NXPH1: variants seen among roughly 807,000 people sequenced by gnomAD.
NXPH1 encodes the protein neurexophilin 1.
In NXPH1, 5 loss-of-function variants were observed where a neutral mutation model predicts 23.7. The ratio of observed to expected loss-of-function variants is 0.21; its 90% confidence interval spans 0.11 to 0.44. The LOEUF is 0.44. Among genes scored for constraint, NXPH1 ranks in the 20% least tolerant of loss-of-function variants. NXPH1 has a pLI of 0.99. For synonymous variants in NXPH1, 144 were observed against 122.2 expected (o/e 1.18, Z -1.18); for missense variants, 324 against 321.6 (o/e 1.01, Z -0.06).
chr7:8,537,466 C>T (rs1238574646), intron 2 of NXPH1, among the ~76,000 whole-genome samples: 1 of 151,882 alleles, frequency 6.6e-6, no homozygotes, highest in Non-Finnish European at 1.5e-5. Context: ...AGGAGAAGTG[C>T]TGAGCAAAGG....
At chr7:8,504,190 C>T (rs79025701) in intron 2 of NXPH1, among the ~76,000 whole-genome samples, 3,052 of 152,066 alleles carry the variant, frequency 0.02, 95 homozygotes, top group African/African-American at 0.069. Context: ...TCTTTTGAAG[C>T]TCTAGAATGC....
At chr7:8,483,583 ACAGGCGTGCAC>A (rs1817109816) in intron 2 of NXPH1, among the ~76,000 whole-genome samples, 1 of 152,144 alleles carries the variant, frequency 6.6e-6, no homozygotes, top group East Asian at 1.9e-4. Context: ...GGCTGGGATT[ACAGGCGTGCAC>A]CACCACACCT....
intron 2 of NXPH1, among the ~76,000 whole-genome samples, chr7:8,664,282 A>G (rs1486817759): frequency 6.6e-6 from 1 of 152,028 alleles, no homozygotes; most frequent in African/African-American, 2.4e-5. Context: ...TGTGCTTCCT[A>G]GAACATGTGC....
rs1028307237 is a variant in NXPH1, at chr7:8,731,885, G to A, written c.55-19123G>A. 9.2e-5 allele frequency among the ~76,000 whole-genome samples: 14 copies of A among 152,306 alleles called. 1 individual carries two copies. Among genetic ancestry groups the A allele is most frequent in the East Asian group, 1.9e-4 (1 of 5,182 alleles). The stretch of plus-strand genomic sequence containing the variant: ...GGGCTCCACCCAGTTCGAGCTTCCC[G>A]GCTGCTTTGTTTACCTAAGCAAGCC... On this transcript the variant is annotated intron_variant, in intron 2 of 2. Transcript: ENST00000405863.
intron 2 of NXPH1, among the ~76,000 whole-genome samples, chr7:8,557,583 A>G (rs1219853827): frequency 6.6e-6 from 1 of 151,714 alleles, no homozygotes; most frequent in Non-Finnish European, 1.5e-5. Flanking sequence ...TGATGACAGA[A>G]TAATTTACTG....
chr7:8,511,988 A>T (rs1817620375), intron 2 of NXPH1, among the ~76,000 whole-genome samples: 1 of 152,164 alleles, frequency 6.6e-6, no homozygotes, highest in South Asian at 2.1e-4. Context: ...CAGCCAGGGC[A>T]GATGCTAGAG....
At chr7:8,458,678 A>G (rs946201273) in intron 2 of NXPH1, among the ~76,000 whole-genome samples, 16 of 151,874 alleles carry the variant, frequency 1.1e-4, no homozygotes, top group African/African-American at 3.9e-4. Flanking sequence ...TCTAATATGT[A>G]AAGTGATGAT....
At chr7:8,653,707 AG>A (rs1274934691) in intron 2 of NXPH1, among the ~76,000 whole-genome samples, 1 of 152,232 alleles carries the variant, frequency 6.6e-6, no homozygotes, top group Admixed American at 6.5e-5. Context: ...GAATGCAGAA[AG>A]GCAGCCCATC....
chr7:8,665,660 G>A (rs1820748859), intron 2 of NXPH1, among the ~76,000 whole-genome samples: 2 of 151,858 alleles, frequency 1.3e-5, no homozygotes, highest in Non-Finnish European at 2.9e-5. Flanking sequence ...ACATGGGATA[G>A]CTTGCTATTT....
intron 2 of NXPH1, among the ~76,000 whole-genome samples, chr7:8,477,842 T>G (rs1190124268): frequency 2.6e-5 from 4 of 152,148 alleles, no homozygotes; most frequent in African/African-American, 7.2e-5. Context: ...AGAGAAAGAT[T>G]GAGAACCACG....
intron 2 of NXPH1, among the ~76,000 whole-genome samples, chr7:8,712,795 G>A (rs1384763604): frequency 6.6e-6 from 1 of 152,138 alleles, no homozygotes; most frequent in African/African-American, 2.4e-5. Flanking sequence ...AAATTGCAGA[G>A]TCAGAATTCG....
chr7:8,517,817 C>T (rs773575248), intron 2 of NXPH1, among the ~76,000 whole-genome samples: 2 of 152,120 alleles, frequency 1.3e-5, no homozygotes, highest in African/African-American at 4.8e-5. Flanking sequence ...TAACATAATG[C>T]ACTGGGAGAG....
chr7:8,544,608 A>G (rs1282852401), intron 2 of NXPH1, among the ~76,000 whole-genome samples: 2 of 151,590 alleles, frequency 1.3e-5, no homozygotes, highest in Non-Finnish European at 1.5e-5. Context: ...GACCGTACTG[A>G]GGCAGATGAT....
At chr7:8,572,216 T>A (rs184574459) in intron 2 of NXPH1, among the ~76,000 whole-genome samples, 2 of 152,120 alleles carry the variant, frequency 1.3e-5, no homozygotes, top group East Asian at 3.9e-4. Flanking sequence ...GGATACTTCC[T>A]CCAATGCCCT....
intron 2 of NXPH1, among the ~76,000 whole-genome samples, chr7:8,670,030 A>T (rs1173515351): frequency 6.6e-6 from 1 of 152,192 alleles, no homozygotes; most frequent in African/African-American, 2.4e-5. Context: ...AAGGATTTAG[A>T]ATATTTTCTA....
At chr7:8,555,308 T>C (rs1372951247) in intron 2 of NXPH1, among the ~76,000 whole-genome samples, 1 of 151,694 alleles carries the variant, frequency 6.6e-6, no homozygotes, top group Admixed American at 6.6e-5. Context: ...ACTTTGCTTT[T>C]AGTTCCCATT....
At chr7:8,719,091 G>A (rs902906047) in intron 2 of NXPH1, among the ~76,000 whole-genome samples, 2 of 152,172 alleles carry the variant, frequency 1.3e-5, no homozygotes, top group African/African-American at 4.8e-5. Flanking sequence ...AATTGACTTT[G>A]TTTTTGGCAT....
chr7:8,725,051 G>A (rs1163115807), intron 2 of NXPH1, among the ~76,000 whole-genome samples: 1 of 152,164 alleles, frequency 6.6e-6, no homozygotes, highest in Non-Finnish European at 1.5e-5. Flanking sequence ...ATCTTGCAAG[G>A]GAGAAACAGA....
At chr7:8,588,308 C>G (rs1480758168) in intron 2 of NXPH1, among the ~76,000 whole-genome samples, 1 of 152,078 alleles carries the variant, frequency 6.6e-6, no homozygotes, top group Admixed American at 6.6e-5. Context: ...AATTTTTTAA[C>G]ATGTTAAATA....
Sources: gnomAD v4.1 joint callset for allele counts (sites outside exome capture counted in the v4.1 genomes callset) on GRCh38, gnomAD v4.1.1 for gene constraint, MANE v1.5 for transcripts, NCBI Gene and HGNC (gene_info 2026-07-23, HGNC 2026-07-21) for gene names.